OLFM3: variants seen among roughly 807,000 people sequenced by gnomAD.
The protein encoded by OLFM3 is noelin-3.
Under a neutral mutation model 48.6 loss-of-function variants are expected in OLFM3, and 20 were observed. The ratio of observed to expected loss-of-function variants is 0.41; its 90% confidence interval spans 0.29 to 0.60. The LOEUF is 0.60. Ranked by LOEUF, OLFM3 falls within the 20% of genes least tolerant of loss-of-function variation. The probability of loss-of-function intolerance (pLI) is 0.28; values close to 1 mark genes in which losing one functional copy is unlikely to be tolerated. For missense variants in OLFM3, 437 were observed against 544.3 expected, an observed-to-expected ratio of 0.80 and a Z score of 1.96; for synonymous variants, 222 against 198.1, an observed-to-expected ratio of 1.12 and a Z score of -1.01.
intron 3 of OLFM3, among the ~76,000 whole-genome samples, chr1:101,827,753 T>C (rs141998621): frequency 1.2e-4 from 18 of 152,314 alleles, no homozygotes; most frequent in African/African-American, 4.3e-4. Context: ...AAGTTTGGAA[T>C]TGGACTTTCT....
chr1:101,900,827 G>T (rs1658365919), intron 1 of OLFM3, among the ~76,000 whole-genome samples: 2 of 152,142 alleles, frequency 1.3e-5, no homozygotes, highest in South Asian at 4.1e-4. Flanking sequence ...AAGGTTAATG[G>T]CATCTATTTT....
intron 1 of OLFM3, among the ~76,000 whole-genome samples, chr1:101,958,594 T>A (rs1475742754): frequency 6.6e-6 from 1 of 151,988 alleles, no homozygotes; most frequent in Non-Finnish European, 1.5e-5. Context: ...TCATCTTAAT[T>A]TTAGAATGTA....
At chr1:101,935,249 A>C (rs1241425081) in intron 1 of OLFM3, among the ~76,000 whole-genome samples, 1 of 151,892 alleles carries the variant, frequency 6.6e-6, no homozygotes, top group Non-Finnish European at 1.5e-5. Flanking sequence ...AAGAAAAAAA[A>C]AGAAGATCGA....
chr1:101,807,703 C>T (rs912164001), intron 4 of OLFM3, among the ~76,000 whole-genome samples: 3 of 151,734 alleles, frequency 2.0e-5, no homozygotes, highest in Non-Finnish European at 1.5e-5. Context: ...AAACTTGAAT[C>T]GAATATATTT....
At chr1:101,908,121 A>AT (rs750972021) in intron 1 of OLFM3, among the ~76,000 whole-genome samples, 1 of 152,190 alleles carries the variant, frequency 6.6e-6, no homozygotes, top group Non-Finnish European at 1.5e-5. Context: ...TGCCTCCATA[A>AT]TTTCGTTTAA....
chr1:101,839,332 T>A (rs1478923983), intron 1 of OLFM3, among the ~76,000 whole-genome samples: 1 of 152,164 alleles, frequency 6.6e-6, no homozygotes, highest in East Asian at 1.9e-4. Flanking sequence ...GATTACTGGG[T>A]TAGTCTTTTA....
At chr1:101,852,162 T>G (rs894535940) in intron 1 of OLFM3, among the ~76,000 whole-genome samples, 2 of 152,106 alleles carry the variant, frequency 1.3e-5, no homozygotes, top group Non-Finnish European at 2.9e-5. Context: ...CAAACTTTCT[T>G]GATCTTATTT....
intron 2 of OLFM3, among the ~76,000 whole-genome samples, chr1:101,834,178 A>T (rs1189144968): frequency 6.6e-6 from 1 of 152,208 alleles, no homozygotes; most frequent in Non-Finnish European, 1.5e-5. Flanking sequence ...ATTTTGTATG[A>T]CACTGGTACA....
chr1:101,936,944 A>T (rs1376689717), intron 1 of OLFM3, among the ~76,000 whole-genome samples: 4 of 152,190 alleles, frequency 2.6e-5, no homozygotes, highest in South Asian at 2.1e-4. Flanking sequence ...CCTTCCGTAC[A>T]TCATATATGA....
At chr1:101,906,191 T>C (rs955762077) in intron 1 of OLFM3, among the ~76,000 whole-genome samples, 1 of 152,102 alleles carries the variant, frequency 6.6e-6, no homozygotes, top group Non-Finnish European at 1.5e-5. Context: ...TCCAGTTTTT[T>C]TTTTAATGTT....
chr1:101,930,641 T>A (rs543223202), intron 1 of OLFM3, among the ~76,000 whole-genome samples: 1 of 152,174 alleles, frequency 6.6e-6, no homozygotes, highest in African/African-American at 2.4e-5. Context: ...GTATGGTAGG[T>A]GCTATGATAA....
chr1:101,869,636 G>T (rs1369664329), intron 1 of OLFM3, among the ~76,000 whole-genome samples: 1 of 152,096 alleles, frequency 6.6e-6, no homozygotes, highest in Non-Finnish European at 1.5e-5. Flanking sequence ...GGGGCAGAAC[G>T]ATATGTTATG....
In OLFM3 at chr1:101,802,854, C is replaced by T. The variant is rs1488929291; in HGVS notation, c.*1384G>A. ...GTTTCCATAAAGCTGCCTTAGGGAA[C>T]TATTTTTTTAATATGTGGAAAATAC... On this transcript the variant is annotated 3_prime_UTR_variant, in exon 6 of 6. Transcript: ENST00000370103. 6.6e-6 allele frequency: 1 copy of T among 151,414 alleles called. No individual in the cohort carries two copies. The highest frequency in any genetic ancestry group is 1.5e-5 in the Non-Finnish European group (1 of 67,658). The allele number at this position is 151,414 out of a possible 1,614,324, so 9.4% of individuals were successfully genotyped here. A position where few individuals can be genotyped will look rare whatever the true frequency, so the allele number is the denominator to read the frequency against.
At chr1:101,925,014 T>C (rs1659223746) in intron 1 of OLFM3, among the ~76,000 whole-genome samples, 2 of 152,024 alleles carry the variant, frequency 1.3e-5, no homozygotes, top group Admixed American at 1.3e-4. Flanking sequence ...TTAAGAGACA[T>C]GAAATAAAAT....
intron 1 of OLFM3, among the ~76,000 whole-genome samples, chr1:101,898,571 G>A (rs1446613127): frequency 1.3e-5 from 2 of 152,220 alleles, no homozygotes; most frequent in Middle Eastern, 3.4e-3. Context: ...AATTGAGGCC[G>A]GGCATGGTCG....
chr1:101,950,128 C>A (rs1324201481), intron 1 of OLFM3, among the ~76,000 whole-genome samples: 1 of 151,790 alleles, frequency 6.6e-6, no homozygotes, highest in Non-Finnish European at 1.5e-5. Context: ...CATTTGGGAT[C>A]TGGTCTCAGC....
Position 101,804,614 on chromosome 1 carries a change from A to T in OLFM3, c.1001T>A (p.Ile334Asn). 1 of 1,612,446 alleles carries T rather than the reference A, an allele frequency of 6.2e-7. No individual in the cohort carries two copies. The highest frequency in any genetic ancestry group is 8.5e-7 in the Non-Finnish European group (1 of 1,179,152). Residue 334 changes from isoleucine (I) to asparagine (N), a missense_variant, in exon 6 of 6, where the codon ATC becomes AAC. Physicochemically the swap from Ile to Asn is moderately radical, Grantham distance 149 (BLOSUM62 -3). Around this residue, in one of 3 missense-constraint regions of OLFM3, gnomAD observed 15 missense variants for 43.0 expected, o/e 0.35. Coordinates refer to ENST00000370103, the MANE Select transcript of OLFM3 (RefSeq NM_058170.4). The surrounding 1 kb of genome is among the most constrained non-coding windows in gnomAD (Gnocchi z 4.5). ...AGTTGCATACACAGCCCACAGCCCG[A>T]TTTCATCAGCCATTAGGTCGATGTC... Reference protein sequence around the residue: ...FSDIDLMADEIGLWAVYATNQ... With the variant: ...FSDIDLMADENGLWAVYATNQ...
intron 5 of OLFM3, 138 bp from the exon 6 acceptor site, chr1:101,805,053 G>T (rs1363724288): frequency 9.2e-6 from 6 of 650,638 alleles, no homozygotes; most frequent in Non-Finnish European, 1.3e-5. Flanking sequence ...CTGACCTGCC[G>T]CAATGTATTT....
At chr1:101,826,565 G>C (rs899829609) in intron 3 of OLFM3, among the ~76,000 whole-genome samples, 1 of 152,140 alleles carries the variant, frequency 6.6e-6, no homozygotes, top group African/African-American at 2.4e-5. Context: ...CCTGATTTAT[G>C]GGTTTGAGTT....
Sources: allele counts gnomAD v4.1 joint callset (sites outside exome capture counted in the v4.1 genomes callset), GRCh38; gene constraint gnomAD v4.1.1; regional missense constraint gnomAD v4.1.1; non-coding constraint Gnocchi (gnomAD v3.1); transcripts MANE v1.5; gene names NCBI Gene and HGNC (gene_info 2026-07-23, HGNC 2026-07-21).